SLC8B1: variants seen among roughly 807,000 people sequenced by gnomAD.
The protein encoded by SLC8B1 is solute carrier family 8 member B1, also known as mitochondrial sodium/calcium exchanger protein.
Under a neutral mutation model 63.4 loss-of-function variants are expected in SLC8B1, and 52 were observed. The observed-to-expected ratio is 0.82, with a 90% CI of 0.66 to 1.03. SLC8B1 has a LOEUF of 1.03. Among genes scored for constraint, SLC8B1 ranks in the 50% least tolerant of loss-of-function variants. The pLI is 0.00. For synonymous variants in SLC8B1, 336 were observed against 323.9 expected (o/e 1.04, Z -0.40); for missense variants, 657 against 741.7 (o/e 0.89, Z 1.33).
intron 8 of SLC8B1, among the ~76,000 whole-genome samples, chr12:113,318,598 T>A (rs1222345100): frequency 6.6e-6 from 1 of 152,212 alleles, no homozygotes; most frequent in Non-Finnish European, 1.5e-5. Flanking sequence ...TGACTGTATT[T>A]GAATATTATT....
At position 113,334,671 on chromosome 12, in the gene SLC8B1, AAG is replaced by A. The variant is rs1957105299; in HGVS notation, c.-313_-312del. The A allele has an allele frequency of 6.6e-6, 1 of 152,206 alleles. No homozygotes were observed. The highest frequency in any genetic ancestry group is 1.5e-5 in the Non-Finnish European group (1 of 68,038). The allele number at this position is 152,206 out of a possible 1,614,324, so 9.4% of individuals were successfully genotyped here. A position where few individuals can be genotyped will look rare whatever the true frequency, so the allele number is the denominator to read the frequency against. ...AATGCTGGCCGACGCGGTATACAAT[AAG>A]AGCTCAATAAATGTTCGCGTCCCTG... On this transcript the variant is annotated 5_prime_UTR_variant, in exon 1 of 16. The change creates a premature stop within an existing upstream ORF in the 5' untranslated region. Coordinates refer to ENST00000680972, the MANE Select transcript of SLC8B1 (RefSeq NM_001358345.2).
rs1956696385 is a variant in SLC8B1, at chr12:113,307,764, G to A, written c.1338C>T (p.Ser446=). The change falls in exon 13 of 16, where the codon TCC becomes TCT. Residue 446 remains serine, a synonymous_variant. Coordinates refer to ENST00000680972, the MANE Select transcript of SLC8B1 (RefSeq NM_001358345.2). The part of the protein sequence containing the change: ...AATEVVNILR[S]LGVVFRLSNT... ...TGCTCAGCCGGAAGACCACACCCAG[G>A]GACCGCAAGATGTTCACCACCTCTG... 2 of 1,613,956 alleles carry A rather than the reference G, an allele frequency of 1.2e-6. No individual in the cohort carries two copies. The highest frequency in any genetic ancestry group is 2.7e-5 in the African/African-American group (2 of 75,028).
chr12:113,307,033 C>T (rs1478991766), intron 13 of SLC8B1, among the ~76,000 whole-genome samples: 1 of 134,804 alleles, frequency 7.4e-6, no homozygotes, highest in Non-Finnish European at 1.5e-5. Flanking sequence ...ACTGCTTAAA[C>T]CTGGGAGGCA....
At chr12:113,324,328 C>CAA (rs1213496515) in intron 2 of SLC8B1, among the ~76,000 whole-genome samples, 10 of 134,826 alleles carry the variant, frequency 7.4e-5, no homozygotes, top group African/African-American at 2.7e-4. Context: ...AACAAACAAA[C>CAA]AAAAAAAAAA....
Position 113,306,570 on chromosome 12 carries a change from A to T in SLC8B1, c.1417T>A (p.Phe473Ile). The change falls in exon 14 of 16, where the codon TTC becomes ATC. Residue 473 changes from phenylalanine (F) to isoleucine (I), a missense_variant. Phe to Ile is a conservative substitution (Grantham distance 21). Transcript: ENST00000680972. ...LAWGNSIGDA[F>I]SDFTLARQGY... Reference sequence around the variant, plus strand: ...TGGCGAGCCAGTGTGAAATCCGAGAAGGCATCTGCACAGGAACAAGAGGGG... The same window carrying T: ...TGGCGAGCCAGTGTGAAATCCGAGATGGCATCTGCACAGGAACAAGAGGGG... 1.2e-6 allele frequency: 2 copies of T among 1,614,004 alleles called. No individual in the cohort carries two copies. Among genetic ancestry groups the T allele is most frequent in the South Asian group, 2.2e-5 (2 of 91,088 alleles).
intron 8 of SLC8B1, among the ~76,000 whole-genome samples, chr12:113,317,678 G>A (rs1453940637): frequency 6.6e-6 from 1 of 152,228 alleles, no homozygotes; most frequent in East Asian, 1.9e-4. Flanking sequence ...CTCCTCGAGT[G>A]AGGAGTTAGC....
chr12:113,307,148 A>C (rs1365933396), intron 13 of SLC8B1, among the ~76,000 whole-genome samples: 1 of 135,682 alleles, frequency 7.4e-6, no homozygotes, highest in African/African-American at 2.8e-5. Flanking sequence ...AAAAAAAAAA[A>C]AAACTACGGC....
chr12:113,331,928 C>T (rs529632910), intron 2 of SLC8B1, among the ~76,000 whole-genome samples: 3 of 152,216 alleles, frequency 2.0e-5, no homozygotes, highest in South Asian at 2.1e-4. Context: ...GTAATCTGCC[C>T]GCCATTACCT....
intron 12 of SLC8B1, among the ~76,000 whole-genome samples, chr12:113,309,327 C>A (rs997553350): frequency 6.6e-6 from 1 of 152,184 alleles, no homozygotes. Context: ...CGCCACCACG[C>A]CCAGCTAATT....
At chr12:113,310,483 G>A in intron 11 of SLC8B1, 128 bp from the exon 12 acceptor site, 1 of 1,254,480 alleles carries the variant, frequency 8.0e-7, no homozygotes, top group East Asian at 2.7e-5. Flanking sequence ...CATGGGGGCA[G>A]AAAAATTTAA....
rs750688602 is a variant in SLC8B1, at chr12:113,307,782, C to T, written c.1320G>A (p.Val440=). The change falls in exon 13 of 16, where the codon GTG becomes GTA. Residue 440 remains valine (V), a synonymous_variant. Transcript: ENST00000680972. ...ALWINAAATE[V]VNILRSLGVV... ...CACCCAGGGACCGCAAGATGTTCACCACCTCTGTGGCGGCCGCGTTGATCC... is the reference window on the plus strand; with the variant it reads ...CACCCAGGGACCGCAAGATGTTCACTACCTCTGTGGCGGCCGCGTTGATCC... 3.1e-5 allele frequency: 50 copies of T among 1,613,798 alleles called. No homozygotes were observed. The South Asian group carries it at 5.5e-4, about 18-fold the overall frequency.
intron 2 of SLC8B1, among the ~76,000 whole-genome samples, chr12:113,327,297 C>T (rs1250202964): frequency 1.3e-5 from 2 of 152,098 alleles, no homozygotes; most frequent in African/African-American, 4.8e-5. Flanking sequence ...CATGAAACTG[C>T]CTGGTTGAAA....
chr12:113,316,261 A>T (rs1036588001), intron 10 of SLC8B1, among the ~76,000 whole-genome samples: 1 of 152,036 alleles, frequency 6.6e-6, no homozygotes, highest in African/African-American at 2.4e-5. Context: ...ACATCTGCAA[A>T]GGCCCTTCTA....
rs1203208450 is a variant in SLC8B1 at position 113,304,306 on chromosome 12, A to T, written c.1557+15T>A. The T allele has an allele frequency of 6.2e-7, 1 of 1,613,300 alleles. No individual in the cohort carries two copies. On this transcript the variant is annotated intron_variant, in intron 15 of 15. Transcript: ENST00000680972. The stretch of plus-strand genomic sequence containing the variant: ...CTTGGTTATATACACTTGTAAACTT[A>T]CAAGGAATACTCACCTTCACTTCTG...
At chr12:113,321,414 C>T (rs1413643239) in intron 2 of SLC8B1, 66 bp from the exon 3 acceptor site, 14 of 1,604,362 alleles carry the variant, frequency 8.7e-6, no homozygotes, top group Non-Finnish European at 1.2e-5. Context: ...CTAGGCCCAT[C>T]TAAGCAGCTA....
At chr12:113,331,258 G>A (rs1957050551) in intron 2 of SLC8B1, among the ~76,000 whole-genome samples, 2 of 152,006 alleles carry the variant, frequency 1.3e-5, no homozygotes, top group Admixed American at 6.6e-5. Flanking sequence ...GTGTGGTGGT[G>A]TGCACCTGTA....
intron 2 of SLC8B1, among the ~76,000 whole-genome samples, chr12:113,321,813 T>C (rs4271426): frequency 0.21 from 31,835 of 151,118 alleles, 4,451 homozygotes; most frequent in African/African-American, 0.4. Flanking sequence ...TACCTTAATA[T>C]ACAGAATTTG....
In SLC8B1 at chr12:113,331,718, T is replaced by C. The variant is rs1047850498; in HGVS notation, c.156+1005A>G. Among the ~76,000 whole-genome samples the C allele has an allele frequency of 4.6e-5, 7 of 152,244 alleles. No individual in the cohort carries two copies. In the East Asian group the frequency reaches 1.4e-3, roughly 29 times the overall value. Reference sequence around the variant, plus strand: ...GCTCTTCAGCTTGCAGATGACCTATTGCGGGACCTCACCTGTGATCATGTG... The same window carrying C: ...GCTCTTCAGCTTGCAGATGACCTATCGCGGGACCTCACCTGTGATCATGTG... On this transcript the variant is annotated intron_variant, in intron 2 of 15. Coordinates refer to ENST00000680972, the MANE Select transcript of SLC8B1 (RefSeq NM_001358345.2).
At position 113,332,854 on chromosome 12, in the gene SLC8B1, G is replaced by A. The variant is rs960986075; in HGVS notation, c.25C>T (p.Arg9Cys). 3.1e-6 allele frequency: 5 copies of A among 1,614,032 alleles called. No individual in the cohort carries two copies. Among genetic ancestry groups the A allele is most frequent in the Admixed American group, 1.7e-5 (1 of 60,012 alleles). The change falls in exon 2 of 16, where the codon CGC (arginine) becomes TGC (cysteine). Residue 9 changes from arginine (R) to cysteine (C), a missense_variant. Physicochemically the swap from Arg to Cys is radical, Grantham distance 180. Transcript: ENST00000680972. ...ACACAAAGCACACTCAGTGCCCAGC[G>A]CAGATTCAGCCTTCTGCCGGCCATC... MAGRRLNL[R>C]WALSVLCVLL...
Sources: allele counts gnomAD v4.1 joint callset (sites outside exome capture counted in the v4.1 genomes callset), GRCh38; gene constraint gnomAD v4.1.1; transcripts MANE v1.5; gene names NCBI Gene and HGNC (gene_info 2026-07-23, HGNC 2026-07-21).